The following LAMA5 variants were observed in gnomAD, a reference collection of about 807,000 sequenced individuals.
LAMA5 encodes laminin subunit alpha-5.
A neutral mutation model predicts 433.4 loss-of-function variants in LAMA5; 260 were observed. That is an observed-to-expected ratio of 0.60 (90% CI 0.54 to 0.66). The LOEUF (loss-of-function observed/expected upper bound fraction) is 0.66, where lower values mean the gene tolerates loss of function less well. LAMA5 is among the 30% of genes least tolerant of loss of function. LAMA5 has a pLI of 0.00. For missense variants in LAMA5, 5,378 were observed against 5,258.5 expected, an observed-to-expected ratio of 1.02 and a Z score of -0.70; for synonymous variants, 2,620 against 2,226.6, an observed-to-expected ratio of 1.18 and a Z score of -4.97.
intron 6 of LAMA5, among the ~76,000 whole-genome samples, chr20:62,347,360 G>A (rs759179685): frequency 6.6e-6 from 1 of 152,152 alleles, no homozygotes; most frequent in South Asian, 2.1e-4. Context: ...GGGCACCTCA[G>A]GGGTCAGTAG....
At chr20:62,339,859 A>T (rs1333662206) in intron 11 of LAMA5, among the ~76,000 whole-genome samples, 2 of 152,228 alleles carry the variant, frequency 1.3e-5, no homozygotes, top group African/African-American at 4.8e-5. Context: ...AGAGGCAAGG[A>T]CGATCGTGGG....
intron 11 of LAMA5, among the ~76,000 whole-genome samples, chr20:62,341,519 C>T (rs1002648501): frequency 3.9e-5 from 6 of 152,172 alleles, no homozygotes; most frequent in Non-Finnish European, 7.3e-5. Flanking sequence ...ATCCATCAAT[C>T]GTCACAACCA....
Position 62,310,751 on chromosome 20 carries a change from G to T in LAMA5, c.10360C>A (p.Arg3454=). The change falls in exon 75 of 80, where the codon CGG becomes AGG. Residue 3454 remains arginine, a synonymous_variant. Coordinates refer to ENST00000252999, the MANE Select transcript of LAMA5 (RefSeq NM_005560.6). ...GGGTGCTCTGCCCCCTGGTGCTGCC[G>T]GTGCGGCCCCTCCTGGCTCCAGGCC... ...ARAWSQEGPH[R]QHQGAEHPQP... 6.4e-7 allele frequency: 1 copy of T among 1,571,096 alleles called. No individual in the cohort carries two copies. The highest frequency in any genetic ancestry group is 2.3e-5 in the East Asian group (1 of 44,278).
Position 62,328,460 on chromosome 20 carries a change from C to T in LAMA5, c.4448-15G>A, listed in dbSNP as rs1211538031. The T allele has an allele frequency of 7.5e-6, 11 of 1,475,098 alleles. No homozygotes were observed. The African/African-American group carries it at 1.1e-4, about 15-fold the overall frequency. 91.4% of individuals were successfully genotyped at this position (1,475,098 alleles called of 1,614,324 possible). A position where few individuals can be genotyped will look rare whatever the true frequency, so the allele number is the denominator to read the frequency against. On this transcript the variant is annotated splice_polypyrimidine_tract_variant and intron_variant, in intron 34 of 79. Transcript: ENST00000252999. ...GCAGTCACAGGCTGTGGGGCGGGTA[C>T]AGGGTTTACTGACCCCTCTTCCCAG...
intron 1 of LAMA5, among the ~76,000 whole-genome samples, chr20:62,364,545 C>G (rs1330169780): frequency 6.6e-6 from 1 of 152,222 alleles, no homozygotes; most frequent in Non-Finnish European, 1.5e-5. Context: ...GAAAACCAGG[C>G]TCCCCCACCT....
rs779268925 is a variant in LAMA5, at chr20:62,337,683, G to A, written c.2071C>T (p.Pro691Ser). 1.7e-5 allele frequency: 28 copies of A among 1,611,834 alleles called. No individual in the cohort carries two copies. Among genetic ancestry groups the A allele is most frequent in the Admixed American group, 1.3e-4 (8 of 59,934 alleles). Reference protein sequence around the residue: ...AEGSLHAACDPRSGQCSCRPR... With the variant: ...AEGSLHAACDSRSGQCSCRPR... The stretch of plus-strand genomic sequence containing the variant: ...CGGCAGCTGCACTGCCCACTCCGGG[G>A]GTCACAGGCTGCGTGCAGGGAGCCT... The change falls in exon 16 of 80, where the codon CCC becomes TCC. Residue 691 changes from proline to serine, a missense_variant. Coordinates refer to ENST00000252999, the MANE Select transcript of LAMA5 (RefSeq NM_005560.6).
intron 18 of LAMA5, among the ~76,000 whole-genome samples, chr20:62,336,090 T>TG (rs1981572575): frequency 1.2e-5 from 1 of 86,388 alleles, no homozygotes. Flanking sequence ...CAAGGAACCC[T>TG]CATACCCCCA....
chr20:62,318,749 T>A (rs1987329259), intron 52 of LAMA5, 94 bp downstream of exon 52: 1 of 1,571,066 alleles, frequency 6.4e-7, no homozygotes, highest in African/African-American at 1.3e-5. Flanking sequence ...TGCCCCGTGA[T>A]GCCCACCTGA....
At chr20:62,316,374 TAGCCCTCGGGTC>T (rs1254206350) in intron 57 of LAMA5, 1 of 538,942 alleles carries the variant, frequency 1.9e-6, no homozygotes, top group Non-Finnish European at 3.3e-6. Flanking sequence ...GGCACGCGTG[TAGCCCTCGGGTC>T]AGCAGAGCAG....
In LAMA5 at chr20:62,316,192, G is replaced by A. The variant is rs1030711342; in HGVS notation, c.7757-134C>T. 1.5e-5 allele frequency: 10 copies of A among 663,208 alleles called. No individual in the cohort carries two copies. In the African/African-American group the frequency reaches 1.6e-4, roughly 11 times the overall value. 41.1% of individuals were successfully genotyped at this position (663,208 alleles called of 1,614,324 possible). On this transcript the variant is annotated intron_variant, in intron 57 of 79. Transcript: ENST00000252999. ...CAGATGGACAGGGACACTCAGACAT[G>A]GAGTCCCTTAGCCTGTGGGGAGGTG... is the stretch of plus-strand genomic sequence containing the variant.
At chr20:62,364,573 G>C (rs565638563) in intron 1 of LAMA5, among the ~76,000 whole-genome samples, 1 of 152,202 alleles carries the variant, frequency 6.6e-6, no homozygotes, top group African/African-American at 2.4e-5. Context: ...GGAGGGTCCC[G>C]TGAGAACAGA....
intron 1 of LAMA5, among the ~76,000 whole-genome samples, 161 bp downstream of exon 1, chr20:62,366,788 G>A (rs1365146516): frequency 6.6e-6 from 1 of 152,164 alleles, no homozygotes; most frequent in Non-Finnish European, 1.5e-5. Flanking sequence ...CGGCCGAGAC[G>A]GAGCGGCCGG....
At chr20:62,320,044 C>A (rs1257813251) in intron 50 of LAMA5, among the ~76,000 whole-genome samples, 1 of 152,062 alleles carries the variant, frequency 6.6e-6, no homozygotes, top group African/African-American at 2.4e-5. Flanking sequence ...TGAGGCCGGC[C>A]ACAGTGGCTC....
At chr20:62,361,600 C>T (rs1176095891) in intron 2 of LAMA5, among the ~76,000 whole-genome samples, 1 of 152,220 alleles carries the variant, frequency 6.6e-6, no homozygotes, top group African/African-American at 2.4e-5. Context: ...GCGGCGGAGC[C>T]GGCTGGGATG....
intron 69 of LAMA5, 27 bp from the exon 70 acceptor site, chr20:62,312,077 C>T: frequency 1.2e-6 from 2 of 1,609,716 alleles, no homozygotes; most frequent in Non-Finnish European, 1.7e-6. Context: ...GGTCAGCCGG[C>T]CGGCCTGGGG....
chr20:62,356,740 A>T (rs879598339), intron 2 of LAMA5, among the ~76,000 whole-genome samples: 6 of 152,180 alleles, frequency 3.9e-5, no homozygotes, highest in Non-Finnish European at 5.9e-5. Flanking sequence ...CCTGGAGCGG[A>T]CACTTCCCCT....
In LAMA5 at chr20:62,346,738, C is replaced by T. The variant is rs200037423; in HGVS notation, c.1135G>A (p.Ala379Thr). 53 of 1,613,166 alleles carry T rather than the reference C, an allele frequency of 3.3e-5. No individual in the cohort carries two copies. Among genetic ancestry groups the T allele is most frequent in the East Asian group, 1.1e-4 (5 of 44,868 alleles). The stretch of plus-strand genomic sequence containing the variant: ...TAGGTGCCATCCAGGCTCTGGCTGG[C>T]GCGGCGCCGGTCCACCTCAGGGTCG... ...YYDPEVDRRRASQSLDGTYQG... is the reference protein window; with the variant it reads ...YYDPEVDRRRTSQSLDGTYQG... The change falls in exon 8 of 80, where the codon GCC (alanine) becomes ACC (threonine). Residue 379 changes from alanine (A) to threonine (T), a missense_variant. Ala to Thr is a moderately conservative substitution (Grantham distance 58). Transcript: ENST00000252999.
In LAMA5 at chr20:62,357,079, C is replaced by T. The variant is rs911928258; in HGVS notation, c.451-3828G>A. On this transcript the variant is annotated intron_variant, in intron 2 of 79. Coordinates refer to ENST00000252999, the MANE Select transcript of LAMA5 (RefSeq NM_005560.6). Reference sequence around the variant, plus strand: ...CAGCCTCCTGGGCTGAGGCACCCACCTCACCATGGGGTGGGCTGTGGCTGG... The same window carrying T: ...CAGCCTCCTGGGCTGAGGCACCCACTTCACCATGGGGTGGGCTGTGGCTGG... Among the ~76,000 whole-genome samples, 9 of 152,278 alleles carry T rather than the reference C, an allele frequency of 5.9e-5. No homozygotes were observed. In the South Asian group the frequency reaches 1.0e-3, roughly 18 times the overall value.
chr20:62,335,089 C>T lies in LAMA5; in HGVS notation c.2414G>A (p.Gly805Asp). 1 of 1,613,050 alleles carries T rather than the reference C, an allele frequency of 6.2e-7. No homozygotes were observed. The highest frequency in any genetic ancestry group is 8.5e-7 in the Non-Finnish European group (1 of 1,179,722). Residue 805 changes from glycine (G) to aspartate (D), a missense_variant, in exon 20 of 80, where the codon GGC becomes GAC. Coordinates refer to ENST00000252999, the MANE Select transcript of LAMA5 (RefSeq NM_005560.6). ...ATCCTTGCAGGACGCGCAGGCCTGGCCGCACACGTGGGGCTTGCAGAAGCA... is the reference window on the plus strand; with the variant it reads ...ATCCTTGCAGGACGCGCAGGCCTGGTCGCACACGTGGGGCTTGCAGAAGCA... ...GQCFCKPHVC[G>D]QACASCKDGF...
Sources: allele counts gnomAD v4.1 joint callset (sites outside exome capture counted in the v4.1 genomes callset), GRCh38; gene constraint gnomAD v4.1.1; transcripts MANE v1.5; gene names NCBI Gene and HGNC (gene_info 2026-07-23, HGNC 2026-07-21).